The following LPP variants were observed in gnomAD, a reference collection of about 807,000 sequenced individuals.
The protein encoded by LPP is lipoma-preferred partner.
A neutral mutation model predicts 60.4 loss-of-function variants in LPP; 38 were observed. The observed-to-expected ratio is 0.63, with a 90% CI of 0.49 to 0.83. The LOEUF is 0.83. Ranked by LOEUF, LPP falls within the 40% of genes least tolerant of loss-of-function variation. The pLI, the probability that LPP is intolerant of heterozygous loss-of-function variation, is 0.00. For synonymous variants in LPP, 328 were observed against 290.8 expected (o/e 1.13, Z -1.30); for missense variants, 902 against 783.6 (o/e 1.15, Z -1.80).
intron 9 of LPP, among the ~76,000 whole-genome samples, chr3:188,842,534 G>A (rs1235856168): frequency 6.6e-6 from 1 of 152,064 alleles, no homozygotes; most frequent in Non-Finnish European, 1.5e-5. Context: ...TCCCAATTAT[G>A]CATGTTTGCT....
intron 1 of LPP, among the ~76,000 whole-genome samples, chr3:188,200,442 G>T (rs1302037021): frequency 6.6e-6 from 1 of 152,116 alleles, no homozygotes; most frequent in African/African-American, 2.4e-5. Context: ...TGGAGACGGG[G>T]TTTCATCATA....
chr3:188,240,243 T>G (rs531149023), intron 2 of LPP: 1 of 174,802 alleles, frequency 5.7e-6, no homozygotes, highest in South Asian at 2.0e-4. Context: ...GGTATCAAAT[T>G]TTAAGCCAAA....
chr3:188,732,536 G>A (rs753769389), intron 8 of LPP, among the ~76,000 whole-genome samples: 2 of 151,834 alleles, frequency 1.3e-5, no homozygotes, highest in African/African-American at 2.4e-5. Context: ...GGCGGGTCAC[G>A]GTGAAACCCC....
chr3:188,268,382 C>T (rs372407956), intron 2 of LPP, among the ~76,000 whole-genome samples: 2 of 152,220 alleles, frequency 1.3e-5, no homozygotes, highest in African/African-American at 4.8e-5. Flanking sequence ...AAGAACAATT[C>T]GTGAATTGGG....
intron 2 of LPP, among the ~76,000 whole-genome samples, chr3:188,273,460 T>C (rs1738514939): frequency 6.6e-6 from 1 of 152,220 alleles, no homozygotes; most frequent in South Asian, 2.1e-4. Flanking sequence ...AGCCAAGGGC[T>C]ATAAAATACT....
chr3:188,293,070 C>T (rs1315081485), intron 2 of LPP, among the ~76,000 whole-genome samples: 1 of 152,204 alleles, frequency 6.6e-6, no homozygotes, highest in African/African-American at 2.4e-5. Flanking sequence ...CTCTGAGTTT[C>T]TCTCATACCG....
At chr3:188,392,861 A>C (rs1334783053) in intron 3 of LPP, among the ~76,000 whole-genome samples, 2 of 152,156 alleles carry the variant, frequency 1.3e-5, no homozygotes, top group Non-Finnish European at 2.9e-5. Flanking sequence ...AATAGGCCAT[A>C]AAAGAACCAC....
At chr3:188,689,750 A>G (rs9832700) in intron 7 of LPP, among the ~76,000 whole-genome samples, 43,436 of 152,138 alleles carry the variant, frequency 0.29, 6,676 homozygotes, top group Middle Eastern at 0.47. Context: ...GAGCGGAGGA[A>G]TGGGTATAGT....
intron 6 of LPP, among the ~76,000 whole-genome samples, chr3:188,604,894 G>A (rs962543363): frequency 3.3e-5 from 5 of 152,120 alleles, no homozygotes; most frequent in African/African-American, 7.2e-5. Context: ...AAAGTTTCAC[G>A]GAGGAACCTG....
intron 6 of LPP, among the ~76,000 whole-genome samples, chr3:188,533,010 G>A (rs532047357): frequency 6.6e-6 from 1 of 152,162 alleles, no homozygotes; most frequent in South Asian, 2.1e-4. Context: ...TGGACACATC[G>A]TTAGCTGCAG....
chr3:188,744,435 G>A lies in LPP; in HGVS notation c.1241-15678G>A, dbSNP rs551949844. 3.3e-5 allele frequency among the ~76,000 whole-genome samples: 5 copies of A among 152,210 alleles called. No individual in the cohort carries two copies. The South Asian group carries it at 1.0e-3, about 32-fold the overall frequency. ...TCCCGCAACTGCACTGCCAACTGCT[G>A]ATATCATTTTTTGCAAACAAGTGTA... On this transcript the variant is annotated intron_variant, in intron 8 of 11. Transcript: ENST00000617246.
chr3:188,355,930 C>G (rs1034911818), intron 3 of LPP, among the ~76,000 whole-genome samples: 2 of 152,050 alleles, frequency 1.3e-5, no homozygotes, highest in African/African-American at 4.8e-5. Context: ...CACACAAAGG[C>G]GGCTATGTTT....
At chr3:188,688,047 C>T (rs961038262) in intron 7 of LPP, among the ~76,000 whole-genome samples, 3 of 152,172 alleles carry the variant, frequency 2.0e-5, no homozygotes, top group Non-Finnish European at 4.4e-5. Context: ...CTGCCCCAGG[C>T]ACCACGGCAG....
chr3:188,556,425 T>C (rs748097621), intron 6 of LPP, among the ~76,000 whole-genome samples: 1 of 152,110 alleles, frequency 6.6e-6, no homozygotes, highest in Non-Finnish European at 1.5e-5. Context: ...ATTAAACATA[T>C]ACCATAGTGT....
intron 7 of LPP, chr3:188,688,826 G>C (rs1232971757): frequency 1.9e-6 from 1 of 524,552 alleles, no homozygotes; most frequent in Admixed American, 2.1e-5. Flanking sequence ...TTACCTTTCT[G>C]ACTTTCCCAC....
At chr3:188,313,766 C>CTAA (rs1754229644) in intron 2 of LPP, among the ~76,000 whole-genome samples, 3 of 152,114 alleles carry the variant, frequency 2.0e-5, no homozygotes. Context: ...TCTTGGAATA[C>CTAA]TAATGCCTTT....
intron 4 of LPP, among the ~76,000 whole-genome samples, chr3:188,463,959 A>C (rs1191025787): frequency 1.3e-5 from 2 of 152,192 alleles, no homozygotes; most frequent in Non-Finnish European, 2.9e-5. Context: ...ATTCATACTA[A>C]GAAAATTGAA....
intron 9 of LPP, among the ~76,000 whole-genome samples, chr3:188,859,381 C>G (rs1056364610): frequency 3.3e-5 from 5 of 152,166 alleles, no homozygotes; most frequent in African/African-American, 4.8e-5. Flanking sequence ...ACTGCCTGCT[C>G]TCTCACCATT....
At chr3:188,534,761 G>C (rs895966305) in intron 6 of LPP, among the ~76,000 whole-genome samples, 1 of 152,106 alleles carries the variant, frequency 6.6e-6, no homozygotes, top group Admixed American at 6.5e-5. Flanking sequence ...CCAAACTAGA[G>C]TATAGTGATA....
Sources: gnomAD v4.1 joint callset for allele counts (sites outside exome capture counted in the v4.1 genomes callset) on GRCh38, gnomAD v4.1.1 for gene constraint, MANE v1.5 for transcripts, NCBI Gene and HGNC (gene_info 2026-07-23, HGNC 2026-07-21) for gene names.